The following VPS8 variants were observed in gnomAD, a reference collection of about 807,000 sequenced individuals.
VPS8 encodes vacuolar protein sorting-associated protein 8 homolog.
Under a neutral mutation model 216.4 loss-of-function variants are expected in VPS8, and 129 were observed. The ratio of observed to expected loss-of-function variants is 0.60; its 90% CI spans 0.52 to 0.69. The LOEUF is 0.69. Among genes scored for constraint, VPS8 ranks in the 30% least tolerant of loss-of-function variants. The pLI is 0.00. For missense variants in VPS8, 1,531 were observed against 1,683.5 expected, an observed-to-expected ratio of 0.91 and a Z score of 1.59; for synonymous variants, 571 against 565.4, an observed-to-expected ratio of 1.01 and a Z score of -0.14.
At chr3:184,980,484 G>A (rs545265283) in intron 40 of VPS8, among the ~76,000 whole-genome samples, 40 of 151,928 alleles carry the variant, frequency 2.6e-4, no homozygotes, top group African/African-American at 9.4e-4. Flanking sequence ...TGGAGGTTTT[G>A]TTCATTTTTT....
At chr3:185,021,934 A>G (rs546812794) in intron 45 of VPS8, among the ~76,000 whole-genome samples, 1 of 152,340 alleles carries the variant, frequency 6.6e-6, no homozygotes, top group African/African-American at 2.4e-5. Flanking sequence ...AGTATCGAGT[A>G]TCCATTGAAC....
intron 36 of VPS8, among the ~76,000 whole-genome samples, chr3:184,947,234 C>A (rs1197004630): frequency 6.6e-6 from 1 of 152,202 alleles, no homozygotes; most frequent in Non-Finnish European, 1.5e-5. Flanking sequence ...AGAGTTCCCC[C>A]ACATTTTCAT....
chr3:184,975,907 G>A (rs781685506), intron 40 of VPS8, among the ~76,000 whole-genome samples: 2 of 152,034 alleles, frequency 1.3e-5, no homozygotes, highest in Non-Finnish European at 2.9e-5. Flanking sequence ...ACTTAATCAT[G>A]GCGTATTACA....
chr3:184,865,865 G>A (rs916954436), intron 16 of VPS8, among the ~76,000 whole-genome samples: 2 of 152,064 alleles, frequency 1.3e-5, no homozygotes, highest in African/African-American at 4.8e-5. Context: ...CTAGGCACCT[G>A]TAATCCCAGC....
intron 46 of VPS8, among the ~76,000 whole-genome samples, chr3:185,025,343 A>G (rs1279981584): frequency 6.6e-6 from 1 of 152,182 alleles, no homozygotes; most frequent in African/African-American, 2.4e-5. Context: ...TAATAGTCGA[A>G]GTGTTTCTTT....
At chr3:184,850,152 T>C (rs1263267733) in intron 10 of VPS8, 130 bp downstream of exon 10, 2 of 689,782 alleles carry the variant, frequency 2.9e-6, no homozygotes, top group African/African-American at 3.6e-5. Flanking sequence ...CATTACCTTA[T>C]AAATAGAATC....
At chr3:185,044,019 G>A (rs966685789) in intron 46 of VPS8, among the ~76,000 whole-genome samples, 23 of 152,128 alleles carry the variant, frequency 1.5e-4, no homozygotes, top group African/African-American at 4.3e-4. Context: ...ATGAAACCCC[G>A]TCTCTACTAA....
intron 8 of VPS8, among the ~76,000 whole-genome samples, chr3:184,845,225 T>G (rs1346911225): frequency 6.6e-6 from 1 of 152,196 alleles, no homozygotes; most frequent in Admixed American, 6.5e-5. Flanking sequence ...CCAGGTCATT[T>G]TGTTCTTTAC....
At chr3:184,842,927 C>CTT (rs59087346) in intron 7 of VPS8, among the ~76,000 whole-genome samples, 14 of 144,316 alleles carry the variant, frequency 9.7e-5, no homozygotes, top group African/African-American at 3.3e-4. Context: ...TAGTTTTCCT[C>CTT]TTTTTTTTTT....
At chr3:184,829,258 G>A (rs1455690416) in intron 3 of VPS8, among the ~76,000 whole-genome samples, 3 of 152,102 alleles carry the variant, frequency 2.0e-5, no homozygotes, top group Non-Finnish European at 2.9e-5. Context: ...CTATCACCCA[G>A]GCTGGAGTGC....
At chr3:185,000,857 G>C (rs1015502516) in intron 45 of VPS8, among the ~76,000 whole-genome samples, 1 of 152,028 alleles carries the variant, frequency 6.6e-6, no homozygotes, top group Non-Finnish European at 1.5e-5. Context: ...TGCCCGCCTC[G>C]GCCTCCCAAA....
chr3:184,837,289 G>A (rs1336196397), intron 5 of VPS8, among the ~76,000 whole-genome samples: 3 of 151,950 alleles, frequency 2.0e-5, no homozygotes, highest in African/African-American at 4.8e-5. Context: ...ACAGACCTTC[G>A]AATAACATCA....
At chr3:184,848,987 C>T (rs1298068431) in intron 8 of VPS8, 84 bp from the exon 9 acceptor site, 5 of 1,476,124 alleles carry the variant, frequency 3.4e-6, no homozygotes, top group Non-Finnish European at 4.7e-6. Context: ...TTGTCACCTC[C>T]CAAGTCTTTG....
At chr3:185,001,707 G>A (rs894602612) in intron 45 of VPS8, among the ~76,000 whole-genome samples, 1 of 152,178 alleles carries the variant, frequency 6.6e-6, no homozygotes, top group Non-Finnish European at 1.5e-5. Flanking sequence ...GGGGCTGAAA[G>A]TTCCAAACCT....
At chr3:184,884,488 G>A (rs1211972722) in intron 21 of VPS8, among the ~76,000 whole-genome samples, 2 of 152,130 alleles carry the variant, frequency 1.3e-5, no homozygotes, top group African/African-American at 4.8e-5. Context: ...TAAGGAGATA[G>A]TATAAATTCA....
chr3:184,979,047 T>C (rs944615973), intron 40 of VPS8, among the ~76,000 whole-genome samples: 1 of 152,228 alleles, frequency 6.6e-6, no homozygotes, highest in African/African-American at 2.4e-5. Context: ...TGCATTAATT[T>C]CATTGTTTTT....
chr3:184,969,910 T>A (rs961412124), intron 39 of VPS8, among the ~76,000 whole-genome samples: 2 of 136,164 alleles, frequency 1.5e-5, no homozygotes, highest in African/African-American at 5.6e-5. Flanking sequence ...ACTTTTTTTT[T>A]TTTTTTTTTT....
Position 184,869,496 on chromosome 3 carries a change from G to A in VPS8, c.1612G>A (p.Ala538Thr). The A allele has an allele frequency of 6.2e-7, 1 of 1,613,504 alleles. No homozygotes were observed. Among genetic ancestry groups the A allele is most frequent in the Non-Finnish European group, 8.5e-7 (1 of 1,179,568 alleles). Reference protein sequence around the residue: ...AKAVVGLSGDASKRKAIVADR... With the variant: ...AKAVVGLSGDTSKRKAIVADR... ...CTTCTCTGCAGGATTATCAGGGGAT[G>A]CCAGTAAGCGAAAGGCTATTGTTGC... Residue 538 changes from alanine to threonine, a missense_variant, in exon 20 of 48, where the codon GCC (alanine) becomes ACC (threonine). Ala to Thr is a moderately conservative substitution (Grantham distance 58). Transcript: ENST00000625842.
intron 23 of VPS8, 60 bp from the exon 24 acceptor site, chr3:184,898,505 C>A: frequency 1.5e-6 from 2 of 1,296,010 alleles, no homozygotes; most frequent in Non-Finnish European, 2.2e-6. Flanking sequence ...ATTCTTAAAG[C>A]ATTAAGGAAA....
Sources: allele counts gnomAD v4.1 joint callset (sites outside exome capture counted in the v4.1 genomes callset), GRCh38; gene constraint gnomAD v4.1.1; transcripts MANE v1.5; gene names NCBI Gene and HGNC (gene_info 2026-07-23, HGNC 2026-07-21).